ANO1: variants seen among roughly 807,000 people sequenced by gnomAD.
The protein encoded by ANO1 is anoctamin 1.
In ANO1, 59 loss-of-function variants were observed where a neutral mutation model predicts 124.0. The observed-to-expected ratio is 0.48, with a 90% CI of 0.39 to 0.59. The LOEUF is 0.59. Ranked by LOEUF, ANO1 falls within the 20% of genes least tolerant of loss-of-function variation. ANO1 has a pLI of 0.00. For missense variants in ANO1, 1,059 were observed against 1,328.0 expected, an observed-to-expected ratio of 0.80 and a Z score of 3.15; for synonymous variants, 529 against 532.0, an observed-to-expected ratio of 0.99 and a Z score of 0.08.
chr11:70,163,669 G>T, intron 19 of ANO1: 1 of 563,984 alleles, frequency 1.8e-6, no homozygotes. Flanking sequence ...GGGTGCAGTG[G>T]CTCATGCCTG....
chr11:70,126,694 G>A (rs1168281317), intron 10 of ANO1, among the ~76,000 whole-genome samples: 1 of 152,098 alleles, frequency 6.6e-6, no homozygotes, highest in Non-Finnish European at 1.5e-5. Context: ...TGCGGGAGGT[G>A]AGACATGGAT....
chr11:70,026,949 C>G (rs1856918988), intron 1 of ANO1, among the ~76,000 whole-genome samples: 1 of 152,198 alleles, frequency 6.6e-6, no homozygotes, highest in African/African-American at 2.4e-5. Flanking sequence ...GCTGCTGCCT[C>G]TTCCTGGGAC....
intron 18 of ANO1, among the ~76,000 whole-genome samples, chr11:70,161,959 C>G (rs1175514455): frequency 1.3e-5 from 2 of 151,960 alleles, no homozygotes; most frequent in Admixed American, 6.5e-5. Flanking sequence ...CAGTGGGGAC[C>G]CCAGGCAGTG....
chr11:70,082,242 T>C (rs549408470), intron 1 of ANO1, among the ~76,000 whole-genome samples: 2 of 152,260 alleles, frequency 1.3e-5, no homozygotes, highest in South Asian at 4.1e-4. Flanking sequence ...AGCAACCACA[T>C]ATTCAGTGCT....
chr11:70,087,640 T>C, intron 1 of ANO1, 112 bp from the exon 2 acceptor site: 1 of 1,069,756 alleles, frequency 9.3e-7, no homozygotes, highest in Non-Finnish European at 1.3e-6. Context: ...GCTCAGGGAG[T>C]GTTTGTTGAA....
chr11:69,986,704 A>G (rs1296038514), intron 1 of ANO1, among the ~76,000 whole-genome samples: 1 of 152,094 alleles, frequency 6.6e-6, no homozygotes, highest in Non-Finnish European at 1.5e-5. Flanking sequence ...GCTAGGCCGG[A>G]GGGGGAGTCC....
chr11:69,978,542 G>T, the ANO1 span, among the ~76,000 whole-genome samples: 1 of 152,130 alleles, frequency 6.6e-6, no homozygotes, highest in Non-Finnish European at 1.5e-5. Context: ...TTAGAGGCAG[G>T]GTCTTGCCAT....
chr11:70,187,101 C>T (rs944938059), intron 25 of ANO1, among the ~76,000 whole-genome samples: 4 of 152,186 alleles, frequency 2.6e-5, no homozygotes, highest in African/African-American at 7.2e-5. Context: ...TCTGCAGCTG[C>T]GAGCGTGAGC....
At chr11:69,998,419 G>A (rs1043854664) in intron 1 of ANO1, among the ~76,000 whole-genome samples, 5 of 151,916 alleles carry the variant, frequency 3.3e-5, no homozygotes, top group African/African-American at 7.3e-5. Context: ...CAGCGTCCTC[G>A]GTTCAGGGGA....
chr11:70,038,704 T>C (rs1194013950), intron 1 of ANO1, among the ~76,000 whole-genome samples: 3 of 152,058 alleles, frequency 2.0e-5, no homozygotes, highest in African/African-American at 7.3e-5. Flanking sequence ...AGAAACACAT[T>C]TGGATTCTCA....
chr11:70,017,425 TCTTC>T (rs72202222), intron 1 of ANO1, among the ~76,000 whole-genome samples: 80,829 of 149,146 alleles, frequency 0.54, 22,548 homozygotes, highest in East Asian at 0.91. Context: ...GCAACAGTTT[TCTTC>T]CTTCCTTCCT....
At chr11:69,975,425 C>T in the ANO1 span, among the ~76,000 whole-genome samples, 1 of 152,236 alleles carries the variant, frequency 6.6e-6, no homozygotes, top group Non-Finnish European at 1.5e-5. Flanking sequence ...CAGCCACAGG[C>T]TCTCACTGTC....
chr11:70,124,493 G>T, intron 9 of ANO1, 79 bp downstream of exon 9: 2 of 1,430,672 alleles, frequency 1.4e-6, no homozygotes, highest in South Asian at 1.2e-5. Flanking sequence ...GGTTTCAACC[G>T]CTCTGAATGT....
chr11:70,063,208 C>T (rs1284548137), intron 1 of ANO1, among the ~76,000 whole-genome samples: 4 of 152,196 alleles, frequency 2.6e-5, no homozygotes, highest in East Asian at 1.9e-4. Context: ...CGTGAGCCAC[C>T]GCGCCCAGCC....
intron 11 of ANO1, among the ~76,000 whole-genome samples, chr11:70,133,176 T>C (rs1270340470): frequency 6.6e-6 from 1 of 152,050 alleles, no homozygotes; most frequent in Non-Finnish European, 1.5e-5. Flanking sequence ...AAGGGGCAAA[T>C]GTGGACTGAA....
the ANO1 span, among the ~76,000 whole-genome samples, chr11:69,974,407 T>C: frequency 6.6e-6 from 1 of 152,246 alleles, no homozygotes; most frequent in African/African-American, 2.4e-5. Flanking sequence ...CCACCTGGTT[T>C]TGGTCACATG....
intron 1 of ANO1, among the ~76,000 whole-genome samples, chr11:70,054,550 TG>T (rs1555006613): frequency 6.6e-6 from 1 of 152,252 alleles, no homozygotes; most frequent in East Asian, 1.9e-4. Context: ...AAGGTATATT[TG>T]TCAAAGTAGA....
chr11:70,140,042 G>A (rs563857881), intron 11 of ANO1, among the ~76,000 whole-genome samples: 5 of 152,256 alleles, frequency 3.3e-5, no homozygotes, highest in East Asian at 1.9e-4. Context: ...GCCAGGCCCC[G>A]GGCTAAGGGC....
At chr11:70,129,079 C>A (rs2046639727) in intron 10 of ANO1, among the ~76,000 whole-genome samples, 1 of 152,186 alleles carries the variant, frequency 6.6e-6, no homozygotes. Flanking sequence ...CTGGGGACGT[C>A]CTGCCCCCAA....
Sources: gnomAD v4.1 joint callset for allele counts (sites outside exome capture counted in the v4.1 genomes callset) on GRCh38, gnomAD v4.1.1 for gene constraint, MANE v1.5 for transcripts, NCBI Gene and HGNC (gene_info 2026-07-23, HGNC 2026-07-21) for gene names.